The following SNTA1 variants were observed in gnomAD, a reference collection of about 807,000 sequenced individuals.
SNTA1 encodes the protein alpha-1-syntrophin.
A neutral mutation model predicts 47.1 loss-of-function variants in SNTA1; 31 were observed. That is an observed-to-expected ratio of 0.66 (90% CI 0.49 to 0.89). SNTA1 has a LOEUF of 0.89. Ranked by LOEUF, SNTA1 falls within the 40% of genes least tolerant of loss-of-function variation. The pLI, the probability that SNTA1 is intolerant of heterozygous loss-of-function variation, is 0.00. For missense variants in SNTA1, 575 were observed against 693.0 expected, an observed-to-expected ratio of 0.83 and a Z score of 1.91; for synonymous variants, 300 against 313.6, an observed-to-expected ratio of 0.96 and a Z score of 0.46.
At chr20:33,442,521 T>C (rs948371993) in intron 1 of SNTA1, among the ~76,000 whole-genome samples, 1 of 152,170 alleles carries the variant, frequency 6.6e-6, no homozygotes, top group Admixed American at 6.5e-5. Flanking sequence ...ACTAGGCACC[T>C]ACAGTGTGCT....
At chr20:33,441,846 A>G (rs1179308059) in intron 1 of SNTA1, among the ~76,000 whole-genome samples, 3 of 152,090 alleles carry the variant, frequency 2.0e-5, no homozygotes, top group Admixed American at 1.3e-4. Flanking sequence ...GCTTTGACAC[A>G]CTGAGTGTAT....
At position 33,408,338 on chromosome 20, in the gene SNTA1, G is replaced by T; in HGVS notation, c.*169C>A. 3.0e-6 allele frequency: 2 copies of T among 668,982 alleles called. No homozygotes were observed. Among genetic ancestry groups the T allele is most frequent in the Non-Finnish European group, 5.5e-6 (2 of 363,940 alleles). The allele number at this position is 668,982 out of a possible 1,614,324, so 41.4% of individuals were successfully genotyped here. Reference sequence around the variant, plus strand: ...CAGAGTCCACTCTGTCCTGCGTCTGGGTCCTGGGCCCCAAGACCAATCCAG... The same window carrying T: ...CAGAGTCCACTCTGTCCTGCGTCTGTGTCCTGGGCCCCAAGACCAATCCAG... On this transcript the variant is annotated 3_prime_UTR_variant, in exon 8 of 8. Coordinates refer to ENST00000217381, the MANE Select transcript of SNTA1 (RefSeq NM_003098.3).
intron 3 of SNTA1, 109 bp downstream of exon 3, chr20:33,417,585 TCTATTTTTTAAGCACCTACTATGTC>T (rs1204856697): frequency 2.9e-6 from 2 of 698,834 alleles, no homozygotes; most frequent in Non-Finnish European, 5.1e-6. Context: ...TTCCAGTCAA[TCTATTTTTTAAGCACCTACTATGTC>T]CTGGCATTGT....
intron 3 of SNTA1, among the ~76,000 whole-genome samples, chr20:33,414,333 C>A (rs1191312969): frequency 6.6e-6 from 1 of 151,406 alleles, no homozygotes; most frequent in African/African-American, 2.4e-5. Flanking sequence ...TGGCTCACAC[C>A]TGTAATCCCA....
intron 2 of SNTA1, among the ~76,000 whole-genome samples, chr20:33,422,407 CCAG>C (rs941211150): frequency 2.7e-5 from 4 of 150,588 alleles, no homozygotes. Context: ...CCATTGCACT[CCAG>C]CCTGGGCGAC....
chr20:33,434,141 C>G (rs544186780), intron 2 of SNTA1, among the ~76,000 whole-genome samples: 15 of 152,060 alleles, frequency 9.9e-5, no homozygotes, highest in African/African-American at 3.4e-4. Context: ...GATTCAACTC[C>G]GGGGAAACCT....
rs147791621 is a variant in SNTA1, at chr20:33,431,124, G to A, written c.496+7717C>T. The stretch of plus-strand genomic sequence containing the variant: ...AATCAAAACAATAATAGCTGGGTAT[G>A]GTGGCACATGCCTGTAGTCCCAGCT... On this transcript the variant is annotated intron_variant, in intron 2 of 7. Coordinates refer to ENST00000217381, the MANE Select transcript of SNTA1 (RefSeq NM_003098.3). 1.1e-3 allele frequency among the ~76,000 whole-genome samples: 164 copies of A among 152,122 alleles called. 2 individuals carry two copies. The East Asian group carries it at 0.029, about 27-fold the overall frequency.
chr20:33,435,031 C>T (rs1990405347), intron 2 of SNTA1, among the ~76,000 whole-genome samples: 1 of 118,816 alleles, frequency 8.4e-6, no homozygotes, highest in Non-Finnish European at 1.6e-5. Context: ...TTGCTCTTGT[C>T]GCCCAGGCTG....
intron 2 of SNTA1, among the ~76,000 whole-genome samples, chr20:33,437,436 A>T (rs1056248551): frequency 6.6e-6 from 1 of 151,844 alleles, no homozygotes; most frequent in Admixed American, 6.6e-5. Context: ...TCGAAAAAAA[A>T]AAAAAACAAG....
At chr20:33,426,265 A>T (rs1168286900) in intron 2 of SNTA1, among the ~76,000 whole-genome samples, 1 of 151,270 alleles carries the variant, frequency 6.6e-6, no homozygotes. Context: ...CCTGGCCAAC[A>T]TGGTGAAACC....
chr20:33,408,280 A>AG lies in SNTA1; in HGVS notation c.*226dup. The AG allele has an allele frequency of 1.7e-6, 1 of 588,316 alleles. No homozygotes were observed. Among genetic ancestry groups the AG allele is most frequent in the South Asian group, 1.9e-5 (1 of 52,406 alleles). 36.4% of individuals were successfully genotyped at this position (588,316 alleles called of 1,614,324 possible). On this transcript the variant is annotated 3_prime_UTR_variant, in exon 8 of 8. Coordinates refer to ENST00000217381, the MANE Select transcript of SNTA1 (RefSeq NM_003098.3). ...ATCTCTCTGCAAAAGGCACTGGTGGAGGGGGGCAGCAGGAAGGCCACCCCA... is the reference window on the plus strand; with the variant it reads ...ATCTCTCTGCAAAAGGCACTGGTGGAGGGGGGGCAGCAGGAAGGCCACCCCA...
At chr20:33,411,150 T>C (rs777655828) in intron 5 of SNTA1, among the ~76,000 whole-genome samples, 71 of 151,938 alleles carry the variant, frequency 4.7e-4, no homozygotes, top group Admixed American at 6.6e-4. Context: ...CCACTCTTTC[T>C]CCTATAGCTC....
chr20:33,436,118 G>A (rs978851998), intron 2 of SNTA1, among the ~76,000 whole-genome samples: 24 of 152,124 alleles, frequency 1.6e-4, no homozygotes, highest in Middle Eastern at 3.4e-3. Context: ...GCGTGAACCC[G>A]GGAGGCGGAG....
intron 2 of SNTA1, among the ~76,000 whole-genome samples, chr20:33,423,130 T>C (rs930466484): frequency 1.3e-5 from 2 of 152,166 alleles, no homozygotes; most frequent in Admixed American, 6.6e-5. Context: ...CCAGAGAAAC[T>C]GCCAGATCCC....
chr20:33,439,021 G>C lies in SNTA1; in HGVS notation c.316C>G (p.Arg106Gly). The C allele has an allele frequency of 6.2e-7, 1 of 1,613,980 alleles. No individual in the cohort carries two copies. Among genetic ancestry groups the C allele is most frequent in the Non-Finnish European group, 8.5e-7 (1 of 1,179,906 alleles). The change falls in exon 2 of 8, where the codon CGG becomes GGG. Residue 106 changes from arginine (R) to glycine (G), a missense_variant. Physicochemically the swap from Arg to Gly is moderately radical, Grantham distance 125. Transcript: ENST00000217381. Reference sequence around the variant, plus strand: ...ATGAGAATAGGCATCTTGTTCTCCCGGCCGCCTGCACAGGTACAGAAGGAG... The same window carrying C: ...ATGAGAATAGGCATCTTGTTCTCCCCGCCGCCTGCACAGGTACAGAAGGAG... ...GGLGISIKGG[R>G]ENKMPILISK...
intron 2 of SNTA1, among the ~76,000 whole-genome samples, chr20:33,423,352 G>C (rs1313485605): frequency 6.6e-6 from 1 of 152,196 alleles, no homozygotes; most frequent in Non-Finnish European, 1.5e-5. Flanking sequence ...ATTTCTGCCT[G>C]AGTCACCCGA....
chr20:33,416,181 G>A lies in SNTA1; in HGVS notation c.701+1538C>T, dbSNP rs144811777. On this transcript the variant is annotated intron_variant, in intron 3 of 7. Transcript: ENST00000217381. ...GAATCACCAGTTTTTGCCTCATGGG[G>A]GCAGGCAAGAGGTGTGGCATCGAGT... is the stretch of plus-strand genomic sequence containing the variant. 2.0e-3 allele frequency among the ~76,000 whole-genome samples: 299 copies of A among 152,302 alleles called. 2 individuals are homozygous for A. Among genetic ancestry groups the A allele is most frequent in the African/African-American group, 6.8e-3 (284 of 41,560 alleles).
At position 33,410,119 on chromosome 20, in the gene SNTA1, G is replaced by A. The variant is rs1399190406; in HGVS notation, c.1237+16C>T. 6.2e-7 allele frequency: 1 copy of A among 1,613,828 alleles called. No individual in the cohort carries two copies. Among genetic ancestry groups the A allele is most frequent in the Non-Finnish European group, 8.5e-7 (1 of 1,179,810 alleles). ...GCTTATTACCAGAGGGACACTCCCA[G>A]ATCCTCCCAGCACACCTGTAGACAC... On this transcript the variant is annotated intron_variant, in intron 6 of 7. Coordinates refer to ENST00000217381, the MANE Select transcript of SNTA1 (RefSeq NM_003098.3).
At chr20:33,412,546 G>C (rs928584149) in intron 4 of SNTA1, 29 bp downstream of exon 4, 2 of 1,609,032 alleles carry the variant, frequency 1.2e-6, no homozygotes, top group Non-Finnish European at 1.7e-6. Flanking sequence ...GGAAGAGAGA[G>C]AGGGATAGGT....
Sources: gnomAD v4.1 joint callset for allele counts (sites outside exome capture counted in the v4.1 genomes callset) on GRCh38, gnomAD v4.1.1 for gene constraint, MANE v1.5 for transcripts, NCBI Gene and HGNC (gene_info 2026-07-23, HGNC 2026-07-21) for gene names.